Variants in ARL6 observed in about 807,000 individuals in gnomAD.
The protein encoded by ARL6 is ARF like GTPase 6, also known as ADP-ribosylation factor-like protein 6.
A neutral mutation model predicts 27.1 loss-of-function variants in ARL6; 18 were observed. The observed-to-expected ratio is 0.66, with a 90% CI of 0.46 to 0.98. The LOEUF (loss-of-function observed/expected upper bound fraction) is 0.98. Among genes scored for constraint, ARL6 ranks in the 50% least tolerant of loss-of-function variants. The pLI, the probability that ARL6 is intolerant of heterozygous loss-of-function variation, is 0.00. For missense variants in ARL6, 187 were observed against 214.9 expected (o/e 0.87, Z 0.81); for synonymous variants, 65 against 72.3 (o/e 0.90, Z 0.51).
intron 2 of ARL6, among the ~76,000 whole-genome samples, chr3:97,777,872 G>T (rs2036987114): frequency 6.6e-6 from 1 of 151,944 alleles, no homozygotes; most frequent in Admixed American, 6.6e-5. Flanking sequence ...TTGAAGTGAT[G>T]GAAAGAAAAG....
In ARL6 at chr3:97,791,732, G is replaced by T. The variant is rs114827023; in HGVS notation, c.480-39G>T. ...TCCTTTATTCTTATAGTTTTGTGAT[G>T]TAATGAGATGGCTATGTTTCTTATG... is the stretch of plus-strand genomic sequence containing the variant. On this transcript the variant is annotated intron_variant, in intron 6 of 7. Coordinates refer to ENST00000463745, the MANE Select transcript of ARL6 (RefSeq NM_001278293.3). 4,241 of 1,583,008 alleles carry T rather than the reference G, an allele frequency of 2.7e-3. 93 individuals are homozygous for T. The African/African-American group carries it at 0.05, about 19-fold the overall frequency.
In ARL6 at chr3:97,791,303, T is replaced by C. The variant is rs556310214; in HGVS notation, c.480-468T>C. On this transcript the variant is annotated intron_variant, in intron 6 of 7. Coordinates refer to ENST00000463745, the MANE Select transcript of ARL6 (RefSeq NM_001278293.3). The stretch of plus-strand genomic sequence containing the variant: ...GATTGAGATCTACCGACTTTTTGTT[T>C]TACTCTACCAGCTTACCAAACCTAT... 1.2e-4 allele frequency: 18 copies of C among 156,232 alleles called. 1 individual carries two copies. Among genetic ancestry groups the C allele is most frequent in the African/African-American group, 4.3e-4 (18 of 41,574 alleles). 9.7% of individuals were successfully genotyped at this position (156,232 alleles called of 1,614,324 possible). A position where few individuals can be genotyped will look rare whatever the true frequency, so the allele number is the denominator to read the frequency against.
intron 2 of ARL6, among the ~76,000 whole-genome samples, chr3:97,778,621 C>A (rs1422626562): frequency 1.3e-5 from 2 of 151,984 alleles, no homozygotes; most frequent in Non-Finnish European, 2.9e-5. Context: ...GGGGAAGAGA[C>A]TGAAATCAGT....
rs2037376765 is a variant in ARL6, at chr3:97,784,943, T to G, written c.255-12T>G. The G allele has an allele frequency of 6.3e-7, 1 of 1,596,180 alleles. No homozygotes were observed. Among genetic ancestry groups the G allele is most frequent in the Non-Finnish European group, 8.6e-7 (1 of 1,164,474 alleles). On this transcript the variant is annotated splice_polypyrimidine_tract_variant and intron_variant, in intron 4 of 7. Transcript: ENST00000463745. ...TAAAGCTTTAATTTTTCTTTTTCTT[T>G]ACATTACACAGAGAAGGCCAAGCTA...
intron 2 of ARL6, among the ~76,000 whole-genome samples, chr3:97,777,117 C>T (rs1467390351): frequency 6.6e-6 from 1 of 152,180 alleles, no homozygotes; most frequent in Non-Finnish European, 1.5e-5. Flanking sequence ...ATGCTTGGCA[C>T]TTTGGATGAG....
chr3:97,766,847 G>T (rs1448489333), intron 1 of ARL6, among the ~76,000 whole-genome samples: 2 of 152,220 alleles, frequency 1.3e-5, no homozygotes, highest in East Asian at 3.9e-4. Flanking sequence ...AGAAATATTT[G>T]GTACATAGAT....
At position 97,764,871 on chromosome 3, in the gene ARL6, A is replaced by G. The variant is rs2036289441; in HGVS notation, c.-134A>G. The G allele has an allele frequency of 6.6e-6, 1 of 152,308 alleles. No individual in the cohort carries two copies. The highest frequency in any genetic ancestry group is 6.5e-5 in the Admixed American group (1 of 15,280). The allele number at this position is 152,308 out of a possible 1,614,324, so 9.4% of individuals were successfully genotyped here. Reference sequence around the variant, plus strand: ...CATCCTTCCCATGTAGGCATCGAGAAGAAGGCTGAGGGACCCTCGCACCAG... The same window carrying G: ...CATCCTTCCCATGTAGGCATCGAGAGGAAGGCTGAGGGACCCTCGCACCAG... On this transcript the variant is annotated 5_prime_UTR_variant, in exon 1 of 8. Transcript: ENST00000463745.
intron 2 of ARL6, among the ~76,000 whole-genome samples, chr3:97,777,037 A>G (rs1256864911): frequency 1.3e-5 from 2 of 152,276 alleles, no homozygotes; most frequent in African/African-American, 2.4e-5. Flanking sequence ...CTGGCTTATT[A>G]AATTTCTCCC....
rs760577207 is a variant in ARL6, at chr3:97,788,130, A to G, written c.479+11A>G. 6.2e-7 allele frequency: 1 copy of G among 1,611,670 alleles called. No homozygotes were observed. Among genetic ancestry groups the G allele is most frequent in the East Asian group, 2.2e-5 (1 of 44,768 alleles). Reference sequence around the variant, plus strand: ...ACCCTGGCATATTTGGTAAAGTTTTATATTTACTTTTCACTGTAGCTTTCT... The same window carrying G: ...ACCCTGGCATATTTGGTAAAGTTTTGTATTTACTTTTCACTGTAGCTTTCT... On this transcript the variant is annotated intron_variant, in intron 6 of 7. Transcript: ENST00000463745.
At chr3:97,771,921 A>G (rs2036657025) in intron 2 of ARL6, among the ~76,000 whole-genome samples, 1 of 152,076 alleles carries the variant, frequency 6.6e-6, no homozygotes, top group African/African-American at 2.4e-5. Flanking sequence ...ATAGGTTGTT[A>G]GATTCAGTTT....
chr3:97,769,186 A>C (rs572502713), intron 2 of ARL6, among the ~76,000 whole-genome samples: 5 of 152,204 alleles, frequency 3.3e-5, no homozygotes, highest in African/African-American at 1.2e-4. Context: ...TCCTGGACAC[A>C]AACTAGTTTT....
chr3:97,770,930 G>A (rs933201978), intron 2 of ARL6, among the ~76,000 whole-genome samples: 2 of 152,092 alleles, frequency 1.3e-5, no homozygotes, highest in African/African-American at 4.8e-5. Context: ...TGGCTTTGTA[G>A]TATAGTTTGA....
intron 7 of ARL6, among the ~76,000 whole-genome samples, chr3:97,797,123 G>A (rs111279679): frequency 2.6e-5 from 4 of 152,260 alleles, no homozygotes; most frequent in African/African-American, 9.6e-5. Flanking sequence ...TGATAAGGAA[G>A]ATATTGTAAC....
chr3:97,775,006 G>A (rs750461947), intron 2 of ARL6, among the ~76,000 whole-genome samples: 29 of 152,148 alleles, frequency 1.9e-4, no homozygotes, highest in Non-Finnish European at 3.7e-4. Flanking sequence ...AATCAAGAGT[G>A]TCAAATGCAT....
At chr3:97,794,877 G>A (rs1407535760) in intron 7 of ARL6, among the ~76,000 whole-genome samples, 1 of 152,048 alleles carries the variant, frequency 6.6e-6, no homozygotes, top group Non-Finnish European at 1.5e-5. Flanking sequence ...CTTGAGGACA[G>A]GAGTTCGATA....
At chr3:97,791,895 CATTTT>C in intron 7 of ARL6, 69 bp downstream of exon 7, 3 of 1,388,816 alleles carry the variant, frequency 2.2e-6, no homozygotes, top group Non-Finnish European at 3.0e-6. Flanking sequence ...TCTTTTTTTA[CATTTT>C]ATTTTATTAT....
chr3:97,798,273 A>G lies in ARL6; in HGVS notation c.*224A>G, dbSNP rs540803292. On this transcript the variant is annotated 3_prime_UTR_variant, in exon 8 of 8. Transcript: ENST00000463745. ...TCAAAAGGGCTCCCTAGAATTATCA[A>G]GTTCTTAGTGAAGGTCTACATTTGA... 1.7e-5 allele frequency: 9 copies of G among 536,924 alleles called. No homozygotes were observed. Among genetic ancestry groups the G allele is most frequent in the African/African-American group, 5.7e-5 (3 of 52,794 alleles). The allele number at this position is 536,924 out of a possible 1,614,324, so 33.3% of individuals were successfully genotyped here.
At chr3:97,767,172 A>T (rs1404758479) in intron 1 of ARL6, among the ~76,000 whole-genome samples, 1 of 152,132 alleles carries the variant, frequency 6.6e-6, no homozygotes, top group Non-Finnish European at 1.5e-5. Context: ...AATACAATTG[A>T]ACAAGAGAAA....
intron 7 of ARL6, among the ~76,000 whole-genome samples, chr3:97,794,369 T>C (rs2037895519): frequency 6.6e-6 from 1 of 151,964 alleles, no homozygotes; most frequent in African/African-American, 2.4e-5. Flanking sequence ...CCTGCCACCA[T>C]GCCCAGCTAA....
Sources: allele counts gnomAD v4.1 joint callset (sites outside exome capture counted in the v4.1 genomes callset), GRCh38; gene constraint gnomAD v4.1.1; transcripts MANE v1.5; gene names NCBI Gene and HGNC (gene_info 2026-07-23, HGNC 2026-07-21).